Variants in DLG2 observed in about 807,000 individuals in gnomAD.
The protein encoded by DLG2 is discs large MAGUK scaffold protein 2, also known as disks large homolog 2.
In DLG2, 45 loss-of-function variants were observed where a neutral mutation model predicts 132.5. The observed-to-expected ratio is 0.34, with a 90% CI of 0.27 to 0.44. DLG2 has a LOEUF of 0.44. DLG2 is among the 20% of genes least tolerant of loss of function. The probability of loss-of-function intolerance (pLI) is 1.00; values close to 1 mark genes in which losing one functional copy is unlikely to be tolerated. For synonymous variants in DLG2, 424 were observed against 419.6 expected, an observed-to-expected ratio of 1.01 and a Z score of -0.13; for missense variants, 1,045 against 1,196.9, an observed-to-expected ratio of 0.87 and a Z score of 1.87.
intron 6 of DLG2, among the ~76,000 whole-genome samples, chr11:85,103,209 A>C (rs2071155480): frequency 6.6e-6 from 1 of 152,010 alleles, no homozygotes; most frequent in Non-Finnish European, 1.5e-5. Context: ...AGAGTCAATG[A>C]AATCTCTATG....
intron 6 of DLG2, among the ~76,000 whole-genome samples, chr11:84,808,679 T>C (rs751804004): frequency 3.3e-5 from 5 of 152,018 alleles, no homozygotes; most frequent in Non-Finnish European, 5.9e-5. Context: ...CAAACAGTTC[T>C]ATACACATAA....
intron 8 of DLG2, among the ~76,000 whole-genome samples, chr11:84,236,416 C>T (rs1026374535): frequency 2.6e-5 from 4 of 152,332 alleles, no homozygotes; most frequent in South Asian, 4.1e-4. Context: ...AATAACCTAC[C>T]TCAAGGTCAA....
intron 6 of DLG2, among the ~76,000 whole-genome samples, chr11:85,071,979 C>T (rs922322310): frequency 2.0e-5 from 3 of 151,696 alleles, no homozygotes; most frequent in Non-Finnish European, 4.4e-5. Context: ...CAGTCCATGC[C>T]GCAACACAAA....
intron 7 of DLG2, among the ~76,000 whole-genome samples, chr11:84,341,508 G>T (rs944175743): frequency 1.3e-5 from 2 of 152,188 alleles, no homozygotes; most frequent in Middle Eastern, 6.8e-3. Flanking sequence ...ATAAAAAATG[G>T]CACTCCCTCC....
chr11:84,293,944 C>G (rs1026047631), intron 7 of DLG2, among the ~76,000 whole-genome samples: 1 of 152,198 alleles, frequency 6.6e-6, no homozygotes, highest in Non-Finnish European at 1.5e-5. Flanking sequence ...AACCTCCTGT[C>G]TAACGCCATC....
chr11:84,315,612 A>G (rs2098345054), intron 7 of DLG2, among the ~76,000 whole-genome samples: 1 of 152,186 alleles, frequency 6.6e-6, no homozygotes. Context: ...CTGCATTTCT[A>G]AATGTCAACT....
intron 7 of DLG2, among the ~76,000 whole-genome samples, chr11:84,426,275 G>A (rs913386100): frequency 2.6e-5 from 4 of 152,064 alleles, no homozygotes; most frequent in Non-Finnish European, 5.9e-5. Context: ...CCAAAACTTG[G>A]CCATCAATAT....
chr11:85,496,175 G>A (rs1487284401), intron 3 of DLG2, among the ~76,000 whole-genome samples: 9 of 152,274 alleles, frequency 5.9e-5, no homozygotes, highest in African/African-American at 2.2e-4. Context: ...ACTGTACCTG[G>A]AGGAACAGTA....
At chr11:85,089,710 C>T (rs1366625571) in intron 6 of DLG2, among the ~76,000 whole-genome samples, 1 of 152,150 alleles carries the variant, frequency 6.6e-6, no homozygotes, top group Non-Finnish European at 1.5e-5. Flanking sequence ...CTCCAAACTG[C>T]TTTCCACAGT....
intron 4 of DLG2, among the ~76,000 whole-genome samples, chr11:85,176,339 A>C (rs547673107): frequency 6.6e-6 from 1 of 152,290 alleles, no homozygotes; most frequent in African/African-American, 2.4e-5. Context: ...CCTTCGACAA[A>C]CCTGATAAAA....
At chr11:84,693,689 C>G (rs1595882933) in intron 6 of DLG2, among the ~76,000 whole-genome samples, 1 of 151,668 alleles carries the variant, frequency 6.6e-6, no homozygotes, top group African/African-American at 2.4e-5. Context: ...ACTCTGACTC[C>G]CATCCACTTC....
At chr11:85,087,819 T>C in intron 6 of DLG2, among the ~76,000 whole-genome samples, 1 of 107,752 alleles carries the variant, frequency 9.3e-6, no homozygotes, top group Admixed American at 1.5e-4. Context: ...CAGTCCGGCC[T>C]GGGCGACAGA....
At chr11:83,498,111 C>T (rs751717721) in intron 21 of DLG2, among the ~76,000 whole-genome samples, 8 of 151,930 alleles carry the variant, frequency 5.3e-5, no homozygotes, top group Non-Finnish European at 7.4e-5. Flanking sequence ...ATTTTAATTC[C>T]GATTTTTAAG....
At chr11:84,249,900 C>G (rs1327087866) in intron 8 of DLG2, among the ~76,000 whole-genome samples, 1 of 152,174 alleles carries the variant, frequency 6.6e-6, no homozygotes, top group African/African-American at 2.4e-5. Context: ...TTATTCTTGT[C>G]CTGACCCTGT....
chr11:85,523,797 C>CTA (rs2074515028), intron 3 of DLG2, among the ~76,000 whole-genome samples: 2 of 152,160 alleles, frequency 1.3e-5, no homozygotes, highest in Non-Finnish European at 2.9e-5. Context: ...TATTGCAGCA[C>CTA]TATTTACAAT....
chr11:84,647,325 C>A (rs377231790), intron 6 of DLG2, among the ~76,000 whole-genome samples: 2 of 152,016 alleles, frequency 1.3e-5, no homozygotes, highest in African/African-American at 4.8e-5. Flanking sequence ...CTAGACCTAT[C>A]GTTACAATCA....
intron 4 of DLG2, among the ~76,000 whole-genome samples, chr11:85,244,420 G>A (rs901868736): frequency 4.6e-5 from 7 of 151,930 alleles, no homozygotes; most frequent in South Asian, 2.1e-4. Context: ...AATGATATAC[G>A]AGGGAAGTGT....
chr11:84,091,629 A>G (rs2097095380), intron 10 of DLG2, among the ~76,000 whole-genome samples: 1 of 152,232 alleles, frequency 6.6e-6, no homozygotes, highest in Non-Finnish European at 1.5e-5. Flanking sequence ...ATATGTCTAT[A>G]TTAGTTTCTT....
At chr11:85,096,884 T>C (rs1043654928) in intron 6 of DLG2, among the ~76,000 whole-genome samples, 8 of 152,154 alleles carry the variant, frequency 5.3e-5, no homozygotes, top group Non-Finnish European at 8.8e-5. Context: ...GAAAGGGCTC[T>C]CTAACAACCC....
Sources: gnomAD v4.1 joint callset for allele counts (sites outside exome capture counted in the v4.1 genomes callset) on GRCh38, gnomAD v4.1.1 for gene constraint, MANE v1.5 for transcripts, NCBI Gene and HGNC (gene_info 2026-07-23, HGNC 2026-07-21) for gene names.